The following RFX3 variants were observed in gnomAD, a reference collection of about 807,000 sequenced individuals.
The protein encoded by RFX3 is transcription factor RFX3.
A neutral mutation model predicts 98.6 loss-of-function variants in RFX3; 14 were observed. The ratio of observed to expected loss-of-function variants is 0.14; its 90% CI spans 0.09 to 0.22. RFX3 has a LOEUF of 0.22. Among genes scored for constraint, RFX3 ranks in the 10% least tolerant of loss-of-function variants. The probability of loss-of-function intolerance (pLI) is 1.00; values close to 1 mark genes in which losing one functional copy is unlikely to be tolerated. For missense variants in RFX3, 639 were observed against 926.9 expected (o/e 0.69, Z 4.03); for synonymous variants, 383 against 328.4 (o/e 1.17, Z -1.80).
intron 15 of RFX3, among the ~76,000 whole-genome samples, chr9:3,245,137 T>C (rs781496305): frequency 2.0e-5 from 3 of 152,236 alleles, no homozygotes; most frequent in Non-Finnish European, 4.4e-5. Flanking sequence ...ATTAGTATTG[T>C]GGAGCTTCTA....
chr9:3,234,995 C>T (rs555227870), intron 15 of RFX3, among the ~76,000 whole-genome samples: 1 of 152,350 alleles, frequency 6.6e-6, no homozygotes, highest in Admixed American at 6.5e-5. Context: ...GAAAAATCAT[C>T]TTCCTCCACT....
At chr9:3,524,858 CACACACACACACACACACACCA>C (rs1367591144) in intron 1 of RFX3, among the ~76,000 whole-genome samples, 1 of 141,800 alleles carries the variant, frequency 7.1e-6, no homozygotes, top group Non-Finnish European at 1.6e-5. Context: ...CACACACACA[CACACACACACACACACACACCA>C]AAGAAGAGAG....
At chr9:3,487,808 A>G (rs1300770280) in intron 1 of RFX3, among the ~76,000 whole-genome samples, 1 of 152,206 alleles carries the variant, frequency 6.6e-6, no homozygotes, top group Non-Finnish European at 1.5e-5. Context: ...TTTAAAAATT[A>G]TTAATAGAGT....
intron 1 of RFX3, among the ~76,000 whole-genome samples, chr9:3,515,924 A>T (rs780457121): frequency 6.6e-6 from 1 of 152,222 alleles, no homozygotes; most frequent in Non-Finnish European, 1.5e-5. Context: ...TTAGGCTGGT[A>T]AAAGAGTTGA....
intron 1 of RFX3, chr9:3,489,032 A>G: frequency 3.2e-6 from 1 of 313,976 alleles, no homozygotes; most frequent in Non-Finnish European, 4.6e-6. Context: ...ATTAAAGTGT[A>G]GTATTTAAAG....
At chr9:3,350,916 T>A (rs1835031942) in intron 2 of RFX3, among the ~76,000 whole-genome samples, 1 of 152,030 alleles carries the variant, frequency 6.6e-6, no homozygotes, top group African/African-American at 2.4e-5. Context: ...AGTAAAAAGA[T>A]CAGTGGCTGC....
intron 14 of RFX3, among the ~76,000 whole-genome samples, chr9:3,251,539 C>T (rs1821400519): frequency 6.6e-6 from 1 of 151,982 alleles, no homozygotes. Context: ...CACTATGTTG[C>T]CCAGGCTGGT....
At chr9:3,244,032 C>A (rs376983427) in intron 15 of RFX3, among the ~76,000 whole-genome samples, 1 of 151,326 alleles carries the variant, frequency 6.6e-6, no homozygotes, top group East Asian at 1.9e-4. Flanking sequence ...GATGGAGTCC[C>A]GCTTTGTCGC....
intron 4 of RFX3, among the ~76,000 whole-genome samples, chr9:3,309,182 G>A (rs890825871): frequency 1.3e-5 from 2 of 152,146 alleles, no homozygotes; most frequent in African/African-American, 4.8e-5. Flanking sequence ...ACAGACTACA[G>A]CAGTGAAGGG....
intron 15 of RFX3, among the ~76,000 whole-genome samples, chr9:3,245,968 T>C (rs1410740736): frequency 6.6e-6 from 1 of 152,182 alleles, no homozygotes; most frequent in Non-Finnish European, 1.5e-5. Flanking sequence ...TTTTATTTTT[T>C]GAATTTCCTT....
chr9:3,357,779 G>A (rs1276190978), intron 2 of RFX3, among the ~76,000 whole-genome samples: 2 of 152,026 alleles, frequency 1.3e-5, no homozygotes, highest in Non-Finnish European at 2.9e-5. Flanking sequence ...ACATGTTTGA[G>A]GTGATGGATA....
chr9:3,238,039 T>C (rs1819406358), intron 15 of RFX3, among the ~76,000 whole-genome samples: 1 of 151,714 alleles, frequency 6.6e-6, no homozygotes, highest in Non-Finnish European at 1.5e-5. Context: ...GACTTCCCAA[T>C]ATATGAACAG....
Position 3,454,051 on chromosome 9 carries a change from G to T in RFX3, c.-8-58455C>A, listed in dbSNP as rs546363960. On this transcript the variant is annotated intron_variant, in intron 1 of 16. Coordinates refer to ENST00000617270, the MANE Select transcript of RFX3 (RefSeq NM_001282116.2). Reference sequence around the variant, plus strand: ...ATATTAGCTGTTTAAATGGATATTTGAGTGGATTTTGTGTGCACAAATATG... The same window carrying T: ...ATATTAGCTGTTTAAATGGATATTTTAGTGGATTTTGTGTGCACAAATATG... 2.0e-5 allele frequency among the ~76,000 whole-genome samples: 3 copies of T among 152,228 alleles called. No individual in the cohort carries two copies. The East Asian group carries it at 5.8e-4, about 29-fold the overall frequency.
intron 1 of RFX3, among the ~76,000 whole-genome samples, chr9:3,420,490 G>T (rs1843350666): frequency 6.6e-6 from 1 of 152,110 alleles, no homozygotes; most frequent in African/African-American, 2.4e-5. Flanking sequence ...CTTTTAAGAG[G>T]TAGTATAGAT....
chr9:3,454,521 C>T (rs77414947), intron 1 of RFX3, among the ~76,000 whole-genome samples: 5,521 of 152,234 alleles, frequency 0.036, 350 homozygotes, highest in African/African-American at 0.13. Flanking sequence ...TTGGTTGCCA[C>T]TAGAAAGCCA....
chr9:3,255,449 T>C (rs375106933), intron 14 of RFX3, among the ~76,000 whole-genome samples: 176 of 152,356 alleles, frequency 1.2e-3, no homozygotes, highest in Middle Eastern at 0.01. Flanking sequence ...GTGTATGTCC[T>C]GTGGCCACCA....
At position 3,401,607 on chromosome 9, in the gene RFX3, A is replaced by G. The variant is rs536644566; in HGVS notation, c.-8-6011T>C. ...CTAAATAAACCCCTGCAGTTTGTCA[A>G]TGATGCAGCCCATATGTAAATGAGT... On this transcript the variant is annotated intron_variant, in intron 1 of 16. Coordinates refer to ENST00000617270, the MANE Select transcript of RFX3 (RefSeq NM_001282116.2). Among the ~76,000 whole-genome samples, 9 of 152,326 alleles carry G rather than the reference A, an allele frequency of 5.9e-5. No individual in the cohort carries two copies. In the East Asian group the frequency reaches 7.7e-4, roughly 13 times the overall value.
At chr9:3,370,758 T>C (rs1486254035) in intron 2 of RFX3, among the ~76,000 whole-genome samples, 1 of 152,186 alleles carries the variant, frequency 6.6e-6, no homozygotes, top group Non-Finnish European at 1.5e-5. Context: ...CTCCACTATA[T>C]AAAATACATG....
chr9:3,499,929 A>G (rs1280370906), intron 1 of RFX3, among the ~76,000 whole-genome samples: 2 of 152,080 alleles, frequency 1.3e-5, no homozygotes, highest in Admixed American at 6.6e-5. Flanking sequence ...AACTATTCTG[A>G]GCTGGGAACC....
Sources: gnomAD v4.1 joint callset for allele counts (sites outside exome capture counted in the v4.1 genomes callset) on GRCh38, gnomAD v4.1.1 for gene constraint, MANE v1.5 for transcripts, NCBI Gene and HGNC (gene_info 2026-07-23, HGNC 2026-07-21) for gene names.